The following NBAS variants were observed in gnomAD, a reference collection of about 807,000 sequenced individuals.
The protein encoded by NBAS is NBAS subunit of NRZ tethering complex.
Under a neutral mutation model 302.5 loss-of-function variants are expected in NBAS, and 219 were observed. That is an observed-to-expected ratio of 0.72 (90% CI 0.65 to 0.81). The LOEUF is 0.81. Among genes scored for constraint, NBAS ranks in the 30% least tolerant of loss-of-function variants. The probability of loss-of-function intolerance (pLI) is 0.00; values close to 1 mark genes in which losing one functional copy is unlikely to be tolerated. For missense variants in NBAS, 2,932 were observed against 2,841.6 expected (o/e 1.03, Z -0.72); for synonymous variants, 1,118 against 1,021.6 (o/e 1.09, Z -1.80).
At chr2:15,532,986 AAAC>A (rs1663294583) in intron 9 of NBAS, among the ~76,000 whole-genome samples, 1 of 152,238 alleles carries the variant, frequency 6.6e-6, no homozygotes, top group African/African-American at 2.4e-5. Context: ...ATAGATGAGA[AAAC>A]ATGAATGGCC....
chr2:15,316,062 G>C (rs900444118), intron 38 of NBAS, among the ~76,000 whole-genome samples: 6 of 152,148 alleles, frequency 3.9e-5, no homozygotes, highest in African/African-American at 1.4e-4. Flanking sequence ...TGTAATACTG[G>C]CTAGAGACTG....
chr2:14,930,189 C>T, the NBAS span, among the ~76,000 whole-genome samples: 1 of 152,174 alleles, frequency 6.6e-6, no homozygotes. Flanking sequence ...TATTGGACTT[C>T]ACCCTTTTCC....
chr2:15,416,721 G>A (rs755841097), intron 24 of NBAS, among the ~76,000 whole-genome samples: 17 of 151,016 alleles, frequency 1.1e-4, no homozygotes, highest in Non-Finnish European at 2.2e-4. Context: ...CAGGAGAATC[G>A]CTTGAACCCA....
At chr2:15,042,704 G>A in the NBAS span, among the ~76,000 whole-genome samples, 1 of 152,258 alleles carries the variant, frequency 6.6e-6, no homozygotes, top group Admixed American at 6.5e-5. Context: ...CAGGTCCAAG[G>A]GAAGATAGAC....
rs538790933 is a variant in NBAS at position 15,402,259 on chromosome 2, T to C, written c.2980A>G (p.Ile994Val). ...IIPDQDQLMA[I>V]ALECIYTCER... ...CAGGTATAGATGCACTCTAGTGCTA[T>C]TGCCATCAGTTGGTCCTGATCAGGA... The change falls in exon 26 of 52, where the codon ATA becomes GTA. Residue 994 changes from isoleucine (I) to valine (V), a missense_variant. Transcript: ENST00000281513. 6.8e-5 allele frequency: 110 copies of C among 1,613,500 alleles called. No individual in the cohort carries two copies. The highest frequency in any genetic ancestry group is 5.7e-4 in the Admixed American group (34 of 59,988).
intron 12 of NBAS, 57 bp from the exon 13 acceptor site, chr2:15,478,346 T>C (rs1454470937): frequency 4.6e-6 from 6 of 1,296,660 alleles, no homozygotes; most frequent in Non-Finnish European, 5.6e-6. Flanking sequence ...TATAAGAAAA[T>C]CATCAAGAAC....
rs79305713 is a variant in NBAS at position 15,350,068 on chromosome 2, G to A, written c.4179+1924C>T. ...TTAGTATTGAACTGGGAATACACAC[G>A]CATATTAGATCCATGTTCACCAAAT... is the stretch of plus-strand genomic sequence containing the variant. On this transcript the variant is annotated intron_variant, in intron 35 of 51. Coordinates refer to ENST00000281513, the MANE Select transcript of NBAS (RefSeq NM_015909.4). 3.2e-3 allele frequency among the ~76,000 whole-genome samples: 487 copies of A among 152,068 alleles called. 6 individuals are homozygous for A. Among genetic ancestry groups the A allele is most frequent in the African/African-American group, 0.011 (452 of 41,480 alleles).
At chr2:15,063,463 T>C in the NBAS span, among the ~76,000 whole-genome samples, 1 of 152,158 alleles carries the variant, frequency 6.6e-6, no homozygotes, top group African/African-American at 2.4e-5. Flanking sequence ...GGACAGAATG[T>C]CTTTTTGATC....
intron 9 of NBAS, among the ~76,000 whole-genome samples, chr2:15,520,748 A>C (rs1442858401): frequency 6.6e-6 from 1 of 152,222 alleles, no homozygotes; most frequent in East Asian, 1.9e-4. Context: ...TTTTTTCAAC[A>C]ATTTAAAAAA....
At chr2:14,848,866 C>T in the NBAS span, among the ~76,000 whole-genome samples, 1 of 151,042 alleles carries the variant, frequency 6.6e-6, no homozygotes, top group Non-Finnish European at 1.5e-5. Context: ...GCTGAGGGTC[C>T]TGTCTGTTAG....
chr2:14,917,305 G>A, the NBAS span, among the ~76,000 whole-genome samples: 4 of 152,178 alleles, frequency 2.6e-5, no homozygotes, highest in Admixed American at 2.6e-4. Context: ...GTTCTTCAAA[G>A]GGTTTTGGAC....
At chr2:15,305,470 T>C (rs1333523962) in intron 40 of NBAS, among the ~76,000 whole-genome samples, 1 of 138,358 alleles carries the variant, frequency 7.2e-6, no homozygotes, top group East Asian at 2.3e-4. Context: ...TTTTTTTTTT[T>C]AGATGGAATT....
intron 21 of NBAS, among the ~76,000 whole-genome samples, chr2:15,440,640 T>C (rs950969925): frequency 2.6e-5 from 4 of 152,068 alleles, no homozygotes; most frequent in Non-Finnish European, 5.9e-5. Context: ...TCACCAGCAA[T>C]GGGACAAAGC....
chr2:15,415,752 A>T (rs781746880), intron 24 of NBAS, 33 bp from the exon 25 acceptor site: 5 of 1,611,804 alleles, frequency 3.1e-6, no homozygotes, highest in Non-Finnish European at 4.2e-6. Flanking sequence ...CAGACAAACA[A>T]GAATGAAGTT....
chr2:14,960,738 T>G, the NBAS span, among the ~76,000 whole-genome samples: 2 of 152,256 alleles, frequency 1.3e-5, no homozygotes, highest in African/African-American at 4.8e-5. Flanking sequence ...AATGCCGAGT[T>G]GTTTTATTCA....
intron 9 of NBAS, among the ~76,000 whole-genome samples, chr2:15,532,244 C>G (rs1212116491): frequency 6.6e-6 from 1 of 152,008 alleles, no homozygotes; most frequent in Non-Finnish European, 1.5e-5. Context: ...AATCCCAGCA[C>G]TTTGGGAGGC....
At chr2:15,340,504 T>C (rs1377081155) in intron 35 of NBAS, among the ~76,000 whole-genome samples, 1 of 152,070 alleles carries the variant, frequency 6.6e-6, no homozygotes, top group African/African-American at 2.4e-5. Flanking sequence ...ATATTGAGAT[T>C]GGGTTGTCTA....
the NBAS span, among the ~76,000 whole-genome samples, chr2:15,023,529 T>TTTATAAA: frequency 6.6e-6 from 1 of 151,770 alleles, no homozygotes; most frequent in Non-Finnish European, 1.5e-5. Context: ...GTTATAACTT[T>TTTATAAA]TGACATTTCT....
the NBAS span, among the ~76,000 whole-genome samples, chr2:14,934,018 A>G: frequency 6.6e-6 from 1 of 152,244 alleles, no homozygotes. Context: ...TATGGAGAGT[A>G]GTGTAATGTG....
Sources: allele counts gnomAD v4.1 joint callset (sites outside exome capture counted in the v4.1 genomes callset), GRCh38; gene constraint gnomAD v4.1.1; transcripts MANE v1.5; gene names NCBI Gene and HGNC (gene_info 2026-07-23, HGNC 2026-07-21).